The following LAMP2 variants were observed in gnomAD, a reference collection of about 807,000 sequenced individuals.
LAMP2 encodes the protein lysosome-associated membrane glycoprotein 2.
LAMP2 carries 4 observed loss-of-function variants against 25.6 expected under a neutral mutation model. The observed-to-expected ratio is 0.16, with a 90% CI of 0.08 to 0.36. The LOEUF is 0.36. Ranked by LOEUF, LAMP2 falls within the 10% of genes least tolerant of loss-of-function variation. The pLI is 1.00. For synonymous variants in LAMP2, 108 were observed against 112.7 expected (o/e 0.96, Z 0.27); for missense variants, 272 against 301.4 (o/e 0.90, Z 0.72).
chrX:120,441,885 A>C lies in LAMP2; in HGVS notation c.938T>G (p.Ile313Ser). ...MYLVNGSVFS[I>S]ANNNLSYWDA... Reference sequence around the variant, plus strand: ...CCAGTAGCTGAGATTGTTATTTGCAATGCTGAAAACTTCAAAGAAAAGAAA... The same window carrying C: ...CCAGTAGCTGAGATTGTTATTTGCACTGCTGAAAACTTCAAAGAAAAGAAA... The change falls in exon 8 of 9, where the codon ATT (isoleucine) becomes AGT (serine). Residue 313 changes from isoleucine to serine, a missense_variant. Physicochemically the swap from Ile to Ser is moderately radical, Grantham distance 142. Transcript: ENST00000200639. The C allele has an allele frequency of 8.3e-7, 1 of 1,209,742 alleles. No individual in the cohort carries two copies. Among genetic ancestry groups the C allele is most frequent in the Non-Finnish European group, 1.1e-6 (1 of 893,766 alleles).
At chrX:120,432,641 G>A (rs1224452244) in intron 8 of LAMP2, among the ~76,000 whole-genome samples, 1 of 111,682 alleles carries the variant, frequency 9.0e-6, no homozygotes, top group Admixed American at 9.5e-5. Flanking sequence ...TAATAGAATG[G>A]TTTCCAATTC....
At chrX:120,436,961 T>C in intron 8 of LAMP2, 1 of 751,722 alleles carries the variant, frequency 1.3e-6, no homozygotes, top group Non-Finnish European at 1.6e-6. Flanking sequence ...TTTTTAAAGC[T>C]GCTTTGTTTT....
chrX:120,450,972 G>T (rs2058618753), intron 3 of LAMP2, among the ~76,000 whole-genome samples: 1 of 109,219 alleles, frequency 9.2e-6, no homozygotes, highest in Non-Finnish European at 1.9e-5. Context: ...CTGTTGCCCA[G>T]GTTGGAGTGC....
intron 8 of LAMP2, chrX:120,436,570 A>T: frequency 1.4e-6 from 1 of 737,879 alleles, no homozygotes; most frequent in Non-Finnish European, 1.6e-6. Context: ...ATCTAAAGAT[A>T]CCATACATCA....
Position 120,438,733 on chromosome X carries a change from A to ACAC in LAMP2, c.1093+2996_1093+2997insGTG, listed in dbSNP as rs1569367266. The ACAC allele has an allele frequency of 7.4e-5, 43 of 583,233 alleles. No homozygotes were observed. In the African/African-American group the frequency reaches 1.2e-3, roughly 16 times the overall value. The allele number at this position is 583,233 out of a possible 1,213,427, so 48.1% of individuals were successfully genotyped here. On this transcript the variant is annotated intron_variant, in intron 8 of 8. Coordinates refer to ENST00000200639, the MANE Select transcript of LAMP2 (RefSeq NM_002294.3). The stretch of plus-strand genomic sequence containing the variant: ...ACACACACACACACACACACACACA[A>ACAC]AAAGAGCAAAAGGAGCAAGTACAAA...
chrX:120,441,977 G>C (rs760825617), intron 7 of LAMP2, 83 bp from the exon 8 acceptor site: 1 of 903,786 alleles, frequency 1.1e-6, no homozygotes, highest in Admixed American at 2.2e-5. Flanking sequence ...AGTGGCTCAC[G>C]CCTGTAATTC....
chrX:120,442,973 C>A lies in LAMP2; in HGVS notation c.865-311G>T, dbSNP rs185635351. Among the ~76,000 whole-genome samples, 505 of 111,587 alleles carry A rather than the reference C, an allele frequency of 4.5e-3. 3 individuals are homozygous for A. The highest frequency in any genetic ancestry group is 0.016 in the African/African-American group (484 of 30,723). ...TCACCACCTCTAGCCTGGATCACAGCAGCCTCTTAAGTGGGCTCCCTGCCT... is the reference window on the plus strand; with the variant it reads ...TCACCACCTCTAGCCTGGATCACAGAAGCCTCTTAAGTGGGCTCCCTGCCT... On this transcript the variant is annotated intron_variant, in intron 6 of 8. Transcript: ENST00000200639.
At chrX:120,450,305 C>T (rs2058615840) in intron 3 of LAMP2, among the ~76,000 whole-genome samples, 2 of 111,993 alleles carry the variant, frequency 1.8e-5, no homozygotes, top group Admixed American at 1.9e-4. Context: ...ATCCAAGGTC[C>T]TTAATATAGG....
chrX:120,432,654 C>T (rs947982491), intron 8 of LAMP2, among the ~76,000 whole-genome samples: 1 of 111,605 alleles, frequency 9.0e-6, no homozygotes, highest in African/African-American at 3.3e-5. Flanking sequence ...TCCAATTCCA[C>T]ACTTGACTGA....
In LAMP2 at chrX:120,428,508, A is replaced by G. The variant is rs754397650; in HGVS notation, c.*2815T>C. 13 of 1,196,427 alleles carry G rather than the reference A, an allele frequency of 1.1e-5. No homozygotes were observed. The South Asian group carries it at 1.9e-4, about 17-fold the overall frequency. ...ATTACACAGACTGATAACCAGTACG[A>G]CTTTTCCTTCTTCCAATCATATAAG... On this transcript the variant is annotated 3_prime_UTR_variant, in exon 9 of 9. Coordinates refer to ENST00000200639, the MANE Select transcript of LAMP2 (RefSeq NM_002294.3).
At chrX:120,440,877 C>A (rs1213905882) in intron 8 of LAMP2, among the ~76,000 whole-genome samples, 1 of 112,256 alleles carries the variant, frequency 8.9e-6, no homozygotes, top group Non-Finnish European at 1.9e-5. Context: ...CTAACCAAGT[C>A]AGACTAGGTA....
chrX:120,432,423 A>C (rs1462699454), intron 8 of LAMP2, among the ~76,000 whole-genome samples: 1 of 111,399 alleles, frequency 9.0e-6, no homozygotes, highest in East Asian at 2.8e-4. Flanking sequence ...ATTCAGCAGC[A>C]GGATATTAAG....
Position 120,430,481 on chromosome X carries a change from C to T in LAMP2, c.*842G>A. 6.7e-6 allele frequency: 5 copies of T among 751,623 alleles called. No homozygotes were observed. The highest frequency in any genetic ancestry group is 6.3e-6 in the Non-Finnish European group (4 of 636,536). 61.9% of individuals were successfully genotyped at this position (751,623 alleles called of 1,213,427 possible). ...ATGAGGTAGAGAAACACAACACAAT[C>T]TGTCCTAATTAGTTCATAGAATATT... On this transcript the variant is annotated 3_prime_UTR_variant, in exon 9 of 9. Coordinates refer to ENST00000200639, the MANE Select transcript of LAMP2 (RefSeq NM_002294.3).
At chrX:120,438,729 CACAA>C (rs2058557768) in intron 8 of LAMP2, 3 of 571,265 alleles carry the variant, frequency 5.3e-6, no homozygotes, top group Admixed American at 2.1e-4. Flanking sequence ...CACACACACA[CACAA>C]AAAGAGCAAA....
In LAMP2 at chrX:120,430,915, C is replaced by T; in HGVS notation, c.*408G>A. On this transcript the variant is annotated 3_prime_UTR_variant, in exon 9 of 9. Coordinates refer to ENST00000200639, the MANE Select transcript of LAMP2 (RefSeq NM_002294.3). ...TTGATGAGTTTAAATCACTATAGTCCTTATACATTGAAACAGAACACCAGT... is the reference window on the plus strand; with the variant it reads ...TTGATGAGTTTAAATCACTATAGTCTTTATACATTGAAACAGAACACCAGT... 1.2e-6 allele frequency: 1 copy of T among 804,936 alleles called. No homozygotes were observed. The highest frequency in any genetic ancestry group is 1.0e-4 in the East Asian group (1 of 9,895). 66.3% of individuals were successfully genotyped at this position (804,936 alleles called of 1,213,427 possible). A position where few individuals can be genotyped will look rare whatever the true frequency, so the allele number is the denominator to read the frequency against.
Position 120,455,435 on chromosome X carries a change from A to C in LAMP2, c.319T>G (p.Ser107Ala). The change falls in exon 3 of 9, where the codon TCT (serine) becomes GCT (alanine). Residue 107 changes from serine to alanine, a missense_variant. Ser to Ala is a moderately conservative substitution (Grantham distance 99, BLOSUM62 1). Coordinates refer to ENST00000200639, the MANE Select transcript of LAMP2 (RefSeq NM_002294.3). ...SWIANFTKAA[S>A]TYSIDSVSFS... ...GAGACGCTGTCAATTGAATAAGTAG[A>C]TGCTGCCTTGGTAAAATTCGCAATC... The C allele has an allele frequency of 1.7e-6, 2 of 1,210,646 alleles. No homozygotes were observed. The highest frequency in any genetic ancestry group is 2.2e-6 in the Non-Finnish European group (2 of 894,702).
chrX:120,457,808 T>C (rs1186007500), intron 1 of LAMP2, among the ~76,000 whole-genome samples: 1 of 112,588 alleles, frequency 8.9e-6, no homozygotes, highest in Non-Finnish European at 1.9e-5. Flanking sequence ...CCTGTTAAGA[T>C]ACTTGCATAC....
intron 8 of LAMP2, among the ~76,000 whole-genome samples, chrX:120,433,312 T>C (rs1404387455): frequency 9.0e-6 from 1 of 111,000 alleles, no homozygotes; most frequent in Non-Finnish European, 1.9e-5. Context: ...TTGGGCAGGG[T>C]AACAAATACA....
chrX:120,456,781 TA>T lies in LAMP2; in HGVS notation c.65-13del, dbSNP rs1814796637. On this transcript the variant is annotated splice_polypyrimidine_tract_variant and intron_variant, in intron 1 of 8. Transcript: ENST00000200639. ...AGACCGCACAGCTCCTGGATTCATT[TA>T]AAAAAATAATATTTTAAAATTGTAC... The T allele has an allele frequency of 2.1e-6, 2 of 948,029 alleles. No homozygotes were observed. The highest frequency in any genetic ancestry group is 2.4e-5 in the Admixed American group (1 of 41,827). The allele number at this position is 948,029 out of a possible 1,213,427, so 78.1% of individuals were successfully genotyped here. A position where few individuals can be genotyped will look rare whatever the true frequency, so the allele number is the denominator to read the frequency against.
Sources: allele counts gnomAD v4.1 joint callset (sites outside exome capture counted in the v4.1 genomes callset), GRCh38; gene constraint gnomAD v4.1.1; transcripts MANE v1.5; gene names NCBI Gene and HGNC (gene_info 2026-07-23, HGNC 2026-07-21).